Variants in TUBGCP2 observed in about 807,000 individuals in gnomAD.
TUBGCP2 encodes tubulin gamma complex component 2, also known as gamma-tubulin complex component 2.
In TUBGCP2, 55 loss-of-function variants were observed where a neutral mutation model predicts 92.2. The ratio of observed to expected loss-of-function variants is 0.60; its 90% CI spans 0.48 to 0.75. The LOEUF is 0.75. Among genes scored for constraint, TUBGCP2 ranks in the 30% least tolerant of loss-of-function variants. The pLI, the probability that TUBGCP2 is intolerant of heterozygous loss-of-function variation, is 0.00. For missense variants in TUBGCP2, 1,093 were observed against 1,188.9 expected (o/e 0.92, Z 1.19); for synonymous variants, 533 against 505.2 (o/e 1.06, Z -0.74).
chr10:133,289,744 G>A lies in TUBGCP2; in HGVS notation c.1360+80C>T, dbSNP rs915981664. ...ACCACAGGGTGAGGCACAGGCTCCC[G>A]GTGGGAGGGCCTGGGCTGCAGGAGA... On this transcript the variant is annotated intron_variant, in intron 9 of 17. Transcript: ENST00000252936. The A allele has an allele frequency of 2.6e-5, 36 of 1,393,224 alleles. 1 individual carries two copies. Among genetic ancestry groups the A allele is most frequent in the African/African-American group, 2.4e-4 (16 of 66,176 alleles). The allele number at this position is 1,393,224 out of a possible 1,614,324, so 86.3% of individuals were successfully genotyped here. A position where few individuals can be genotyped will look rare whatever the true frequency, so the allele number is the denominator to read the frequency against.
At chr10:133,287,569 C>T (rs1847161138) in intron 11 of TUBGCP2, among the ~76,000 whole-genome samples, 1 of 151,972 alleles carries the variant, frequency 6.6e-6, no homozygotes, top group Non-Finnish European at 1.5e-5. Context: ...TGGTGAAACC[C>T]CATCTCTACT....
At chr10:133,288,105 A>G (rs762021950) in intron 11 of TUBGCP2, 24 bp downstream of exon 11, 3 of 1,599,804 alleles carry the variant, frequency 1.9e-6, no homozygotes, top group Non-Finnish European at 2.6e-6. Context: ...GCCACAGGGG[A>G]CAGCCCCCGG....
At chr10:133,283,533 C>A (rs1847042522) in intron 14 of TUBGCP2, among the ~76,000 whole-genome samples, 1 of 152,262 alleles carries the variant, frequency 6.6e-6, no homozygotes, top group Non-Finnish European at 1.5e-5. Flanking sequence ...AACCTCGGGG[C>A]AAAGACGGCT....
upstream of TUBGCP2, chr10:133,312,056 C>T (rs1479830224): frequency 1.8e-5 from 26 of 1,478,936 alleles, no homozygotes; most frequent in South Asian, 5.5e-5. Context: ...GCCATTGAAG[C>T]GCAGGAATGC....
At chr10:133,301,709 T>C (rs1847660422) in intron 2 of TUBGCP2, 1 of 123,816 alleles carries the variant, frequency 8.1e-6, no homozygotes, top group African/African-American at 3.3e-5. Context: ...CCTTTTTTTT[T>C]TTTTTTTTTT....
upstream of TUBGCP2, chr10:133,308,873 G>T: frequency 1.7e-6 from 2 of 1,187,740 alleles, no homozygotes; most frequent in East Asian, 7.1e-5. Context: ...CGGCGGAAGT[G>T]AGCGTGACGT....
At chr10:133,291,019 C>G (rs74635489) in intron 8 of TUBGCP2, 9 of 191,250 alleles carry the variant, frequency 4.7e-5, no homozygotes, top group South Asian at 1.6e-4. Flanking sequence ...GAAGAGAAGC[C>G]GACAGACCCC....
rs186371678 is a variant in TUBGCP2, at chr10:133,293,787, G to A, written c.617-18C>T. 1.1e-4 allele frequency: 168 copies of A among 1,566,036 alleles called. No homozygotes were observed. In the East Asian group the frequency reaches 3.2e-3, roughly 30 times the overall value. On this transcript the variant is annotated intron_variant, in intron 5 of 17. Coordinates refer to ENST00000252936, the MANE Select transcript of TUBGCP2 (RefSeq NM_006659.4). ...CAACGTGCCTGCGGGCACAGACAGC[G>A]CTGTGGCTCTGCAGCCCCCACTCCC...
intron 8 of TUBGCP2, 91 bp from the exon 9 acceptor site, chr10:133,290,060 T>G (rs2136118625): frequency 2.0e-6 from 3 of 1,524,142 alleles, no homozygotes; most frequent in Non-Finnish European, 2.7e-6. Context: ...GCAGGGACAT[T>G]AACAGAGGCC....
rs749272690 is a variant in TUBGCP2 at position 133,288,172 on chromosome 10, C to T, written c.1679G>A (p.Arg560His). 1.2e-6 allele frequency: 2 copies of T among 1,613,866 alleles called. No homozygotes were observed. Among genetic ancestry groups the T allele is most frequent in the Non-Finnish European group, 1.7e-6 (2 of 1,179,948 alleles). Residue 560 changes from arginine to histidine, a missense_variant, in exon 11 of 18, where the codon CGC becomes CAC. Transcript: ENST00000252936. ...GGGGTCAGTGTTGGCCGTGCTCATG[C>T]GCAGCGCCAGCTCCAGGAGCGCTTC... ...RLEALLELAL[R>H]MSTANTDPFK...
intron 9 of TUBGCP2, 137 bp downstream of exon 9, chr10:133,289,687 C>T: frequency 9.5e-7 from 1 of 1,050,826 alleles, no homozygotes; most frequent in East Asian, 3.1e-5. Flanking sequence ...CTGACCTCAG[C>T]CCCGCATTCA....
rs774355983 is a variant in TUBGCP2 at position 133,305,497 on chromosome 10, GTCTTT to G, written c.-39-2522_-39-2518del. 2.0e-4 allele frequency among the ~76,000 whole-genome samples: 30 copies of G among 152,208 alleles called. No homozygotes were observed. The East Asian group carries it at 2.7e-3, about 14-fold the overall frequency. The stretch of plus-strand genomic sequence containing the variant: ...GTGGTAGTGGTTCCCCGGGCCCGCT[GTCTTT>G]TCTTTTATCTCTTTGTCTTGCGTCT... On this transcript the variant is annotated intron_variant, in intron 1 of 17. Coordinates refer to ENST00000252936, the MANE Select transcript of TUBGCP2 (RefSeq NM_006659.4).
intron 13 of TUBGCP2, 118 bp downstream of exon 13, chr10:133,284,967 A>G: frequency 7.0e-7 from 1 of 1,432,712 alleles, no homozygotes; most frequent in South Asian, 1.4e-5. Flanking sequence ...TCCAGATGAC[A>G]CTTCCAGAAG....
rs201310809 is a variant in TUBGCP2 at position 133,292,492 on chromosome 10, G to C, written c.1214+7C>G. ...CCTCCGTGTCCCCGTGTCCCGGGGA[G>C]CCCTACCTGTATGGGTCGTGGATGA... On this transcript the variant is annotated splice_region_variant and intron_variant, in intron 8 of 17. Coordinates refer to ENST00000252936, the MANE Select transcript of TUBGCP2 (RefSeq NM_006659.4). 7 of 1,608,432 alleles carry C rather than the reference G, an allele frequency of 4.4e-6. No homozygotes were observed. The highest frequency in any genetic ancestry group is 5.9e-6 in the Non-Finnish European group (7 of 1,177,756).
chr10:133,299,279 T>TC, intron 4 of TUBGCP2, 148 bp downstream of exon 4: 1 of 626,000 alleles, frequency 1.6e-6, no homozygotes, highest in Non-Finnish European at 2.5e-6. Flanking sequence ...AGCCTTGGCC[T>TC]CTCTAAGGGA....
In TUBGCP2 at chr10:133,293,279, G is replaced by T. The variant is rs1377106584; in HGVS notation, c.825-41C>A. 2 of 1,599,922 alleles carry T rather than the reference G, an allele frequency of 1.3e-6. 1 individual carries two copies. The highest frequency in any genetic ancestry group is 2.2e-5 in the South Asian group (2 of 90,744). On this transcript the variant is annotated intron_variant, in intron 6 of 17. Transcript: ENST00000252936. ...TCAGACTTCCTCAAAAAGGCAAGCT[G>T]CAGGCACATACAATGTCCGATATTC...
Position 133,285,526 on chromosome 10 carries a change from C to T in TUBGCP2, c.1825G>A (p.Ala609Thr), listed in dbSNP as rs142228780. ...AMAHADPTELALSGLEAFSFD... is the reference protein window; with the variant it reads ...AMAHADPTELTLSGLEAFSFD... ...GAGAAGGCCTCCAGGCCGCTCAGCG[C>T]CAGCTCCGTGGGGTCGGCGTGCGCC... The change falls in exon 12 of 18, where the codon GCG (alanine) becomes ACG (threonine). Residue 609 changes from alanine (A) to threonine (T), a missense_variant. Physicochemically the swap from Ala to Thr is moderately conservative, Grantham distance 58. Coordinates refer to ENST00000252936, the MANE Select transcript of TUBGCP2 (RefSeq NM_006659.4). This position sits in a 1 kb window ranked among gnomAD's most constrained non-coding sequence, Gnocchi z 6.8. The T allele has an allele frequency of 2.8e-3, 4,503 of 1,604,266 alleles. 11 individuals are homozygous for T. The highest frequency in any genetic ancestry group is 3.5e-3 in the Non-Finnish European group (4,101 of 1,172,960).
Position 133,285,692 on chromosome 10 carries a change from G to A in TUBGCP2, c.1723-64C>T, listed in dbSNP as rs1847120329. On this transcript the variant is annotated intron_variant, in intron 11 of 17. Coordinates refer to ENST00000252936, the MANE Select transcript of TUBGCP2 (RefSeq NM_006659.4). The surrounding 1 kb of genome is among the most constrained non-coding windows in gnomAD (Gnocchi z 6.8). ...AGGAAAAGACCCGAAGTCGCATCCC[G>A]ATCGCCATCCTCGCTCACAGACCCA... The A allele has an allele frequency of 3.5e-6, 5 of 1,438,006 alleles. No individual in the cohort carries two copies. The highest frequency in any genetic ancestry group is 2.9e-5 in the Admixed American group (1 of 34,996). The allele number at this position is 1,438,006 out of a possible 1,614,324, so 89.1% of individuals were successfully genotyped here. A position where few individuals can be genotyped will look rare whatever the true frequency, so the allele number is the denominator to read the frequency against.
rs2136126541 is a variant in TUBGCP2, at chr10:133,293,234, T to C, written c.829A>G (p.Ile277Val). 1.9e-6 allele frequency: 3 copies of C among 1,613,118 alleles called. No individual in the cohort carries two copies. Among genetic ancestry groups the C allele is most frequent in the Non-Finnish European group, 2.5e-6 (3 of 1,179,664 alleles). ...AASYSAVTRF[I>V]EEKSSFEYGQ... ...TACTCGAAGGAAGACTTCTCTTCAATGAACCTGGAAGAAAAGCTGTCAGAC... is the reference window on the plus strand; with the variant it reads ...TACTCGAAGGAAGACTTCTCTTCAACGAACCTGGAAGAAAAGCTGTCAGAC... Residue 277 changes from isoleucine (I) to valine (V), a missense_variant, in exon 7 of 18, where the codon ATT becomes GTT. Around this residue, in one of 3 missense-constraint regions of TUBGCP2, gnomAD observed 490 missense variants for 488.5 expected, o/e 1.00. Transcript: ENST00000252936.
Sources: allele counts gnomAD v4.1 joint callset (sites outside exome capture counted in the v4.1 genomes callset), GRCh38; gene constraint gnomAD v4.1.1; regional missense constraint gnomAD v4.1.1; non-coding constraint Gnocchi (gnomAD v3.1); transcripts MANE v1.5; gene names NCBI Gene and HGNC (gene_info 2026-07-23, HGNC 2026-07-21).